The following DIAPH2 variants were observed in gnomAD, a reference collection of about 807,000 sequenced individuals.
DIAPH2 encodes diaphanous related formin 2, also known as protein diaphanous homolog 2.
DIAPH2 carries 35 observed loss-of-function variants against 92.7 expected under a neutral mutation model. The observed-to-expected ratio is 0.38, with a 90% CI of 0.29 to 0.50. The LOEUF is 0.50. Ranked by LOEUF, DIAPH2 falls within the 20% of genes least tolerant of loss-of-function variation. The pLI is 0.94. For synonymous variants in DIAPH2, 301 were observed against 280.4 expected, an observed-to-expected ratio of 1.07 and a Z score of -0.73; for missense variants, 701 against 819.5, an observed-to-expected ratio of 0.86 and a Z score of 1.77.
chrX:96,711,747 TTTTA>T (rs1348432047), intron 1 of DIAPH2, among the ~76,000 whole-genome samples: 1 of 111,319 alleles, frequency 9.0e-6, no homozygotes, highest in Non-Finnish European at 1.9e-5. Context: ...CAACTTTTTT[TTTTA>T]CTTTTTTTCA....
At chrX:97,137,578 T>C (rs2067182002) in intron 21 of DIAPH2, among the ~76,000 whole-genome samples, 2 of 109,685 alleles carry the variant, frequency 1.8e-5, no homozygotes, top group Non-Finnish European at 3.8e-5. Flanking sequence ...AGAAATGACA[T>C]GGGAGTTGAG....
At chrX:97,229,496 T>G (rs143993603) in intron 22 of DIAPH2, among the ~76,000 whole-genome samples, 1,465 of 111,392 alleles carry the variant, frequency 0.013, 35 homozygotes, top group African/African-American at 0.045. Flanking sequence ...GGTGACTGGC[T>G]GGTTATGGTT....
intron 19 of DIAPH2, among the ~76,000 whole-genome samples, chrX:97,096,158 G>C (rs2066867796): frequency 8.9e-6 from 1 of 112,371 alleles, no homozygotes; most frequent in African/African-American, 3.2e-5. Context: ...ATCACTTCTA[G>C]CCTTTACTAC....
chrX:96,895,108 A>G (rs934763017), intron 5 of DIAPH2, among the ~76,000 whole-genome samples: 1 of 105,839 alleles, frequency 9.4e-6, no homozygotes, highest in Non-Finnish European at 1.9e-5. Flanking sequence ...GGTTCAAGCG[A>G]TTCTCCTGCC....
At chrX:97,273,109 C>A (rs1388444756) in intron 23 of DIAPH2, among the ~76,000 whole-genome samples, 1 of 111,810 alleles carries the variant, frequency 8.9e-6, no homozygotes, top group Non-Finnish European at 1.9e-5. Flanking sequence ...GAGCCAAGAT[C>A]GTGCCATTGC....
intron 5 of DIAPH2, chrX:96,884,616 C>T (rs763654025): frequency 5.6e-5 from 68 of 1,207,398 alleles, no homozygotes; most frequent in Non-Finnish European, 6.9e-5. Flanking sequence ...CGAAACCAAT[C>T]GAGGCCCGAC....
intron 18 of DIAPH2, among the ~76,000 whole-genome samples, 192 bp downstream of exon 18, chrX:97,073,234 C>T (rs2066681629): frequency 1.8e-5 from 2 of 111,992 alleles, no homozygotes; most frequent in Non-Finnish European, 3.8e-5. Context: ...TCTAATTCAA[C>T]CTCTGTCAGG....
chrX:97,110,991 C>CA lies in DIAPH2; in HGVS notation c.2350-3732dup, dbSNP rs1331839971. On this transcript the variant is annotated intron_variant, in intron 20 of 26. Transcript: ENST00000324765. ...GAACGAGACTCCGTCTCAAAAAAAA[C>CA]AAACAAAAAAAAAAAGATGCCCTAT... Among the ~76,000 whole-genome samples, 115 of 87,853 alleles carry CA rather than the reference C, an allele frequency of 1.3e-3. 1 individual carries two copies. The highest frequency in any genetic ancestry group is 2.4e-3 in the African/African-American group (57 of 23,724). The allele number at this position is 87,853 out of a possible 115,157, so 76.3% of individuals were successfully genotyped here.
chrX:96,733,549 A>C (rs950683208), intron 1 of DIAPH2, among the ~76,000 whole-genome samples: 2 of 111,425 alleles, frequency 1.8e-5, no homozygotes, highest in Non-Finnish European at 1.9e-5. Context: ...GGTCATTGTA[A>C]TAACTTTGAC....
At chrX:97,394,231 T>G (rs978977863) in intron 25 of DIAPH2, among the ~76,000 whole-genome samples, 1 of 111,596 alleles carries the variant, frequency 9.0e-6, no homozygotes, top group African/African-American at 3.3e-5. Flanking sequence ...TCCAATAATA[T>G]AAATTAATGA....
chrX:96,899,734 A>G (rs772004849), intron 5 of DIAPH2, among the ~76,000 whole-genome samples: 2 of 109,539 alleles, frequency 1.8e-5, no homozygotes, highest in South Asian at 4.0e-4. Flanking sequence ...TCTCCTGCCT[A>G]ATTGCCCTGG....
intron 26 of DIAPH2, among the ~76,000 whole-genome samples, chrX:97,582,870 T>TTTC (rs1354352733): frequency 1.8e-5 from 2 of 111,339 alleles, no homozygotes; most frequent in African/African-American, 6.5e-5. Context: ...GCTTTGCTCG[T>TTTC]TTCTTTTTAT....
At chrX:97,204,683 A>G (rs2067781050) in intron 22 of DIAPH2, among the ~76,000 whole-genome samples, 1 of 111,830 alleles carries the variant, frequency 8.9e-6, no homozygotes, top group African/African-American at 3.2e-5. Flanking sequence ...GACACAAACA[A>G]ATGGGAAAAC....
chrX:97,545,534 ATATATAT>A (rs1390875580), intron 26 of DIAPH2, among the ~76,000 whole-genome samples: 2,656 of 77,056 alleles, frequency 0.034, 39 homozygotes, highest in Middle Eastern at 0.053. Context: ...AAAAAAAAAA[ATATATAT>A]ATATATATAT....
chrX:97,539,678 A>G (rs1231988435), intron 26 of DIAPH2, among the ~76,000 whole-genome samples: 2 of 112,000 alleles, frequency 1.8e-5, no homozygotes, highest in African/African-American at 6.5e-5. Flanking sequence ...ACTTAATTTT[A>G]AAAGAGCTTA....
At chrX:97,196,880 G>A (rs915741195) in intron 22 of DIAPH2, among the ~76,000 whole-genome samples, 31 of 107,063 alleles carry the variant, frequency 2.9e-4, no homozygotes, top group Non-Finnish European at 3.3e-4. Context: ...TCCGCCTGCC[G>A]GGTTCAAGCG....
At chrX:97,285,383 CAAAAAAAA>C (rs11336007) in intron 23 of DIAPH2, among the ~76,000 whole-genome samples, 4 of 38,121 alleles carry the variant, frequency 1.0e-4, no homozygotes, top group African/African-American at 4.5e-4. Flanking sequence ...ACTAAAAATA[CAAAAAAAA>C]AAAAAAAAAA....
chrX:96,740,147 T>G (rs1238814485), intron 3 of DIAPH2, among the ~76,000 whole-genome samples: 1 of 112,329 alleles, frequency 8.9e-6, no homozygotes, highest in African/African-American at 3.2e-5. Context: ...AGCTAAACAA[T>G]TTACACTACC....
At chrX:97,185,469 A>G (rs867009762) in intron 22 of DIAPH2, among the ~76,000 whole-genome samples, 2 of 34,108 alleles carry the variant, frequency 5.9e-5, no homozygotes, top group Non-Finnish European at 4.6e-5. Flanking sequence ...ATATATATAT[A>G]TACACATATA....
Sources: allele counts gnomAD v4.1 joint callset (sites outside exome capture counted in the v4.1 genomes callset), GRCh38; gene constraint gnomAD v4.1.1; transcripts MANE v1.5; gene names NCBI Gene and HGNC (gene_info 2026-07-23, HGNC 2026-07-21).